The following PAN3 variants were observed in gnomAD, a reference collection of about 807,000 sequenced individuals.
PAN3 encodes PAN2-PAN3 deadenylation complex subunit PAN3.
A neutral mutation model predicts 96.2 loss-of-function variants in PAN3; 19 were observed. The ratio of observed to expected loss-of-function variants is 0.20; its 90% CI spans 0.14 to 0.29. The LOEUF (loss-of-function observed/expected upper bound fraction) is 0.29. Ranked by LOEUF, PAN3 falls within the 10% of genes least tolerant of loss-of-function variation. The probability of loss-of-function intolerance (pLI) is 1.00; values close to 1 mark genes in which losing one functional copy is unlikely to be tolerated. For synonymous variants in PAN3, 433 were observed against 406.6 expected (o/e 1.06, Z -0.78); for missense variants, 882 against 1,108.1 (o/e 0.80, Z 2.90).
rs140677661 is a variant in PAN3, at chr13:28,229,445, C to G, written c.1000+9067C>G. ...AATATAATCTTATTTATTGATGACT[C>G]TTGTTCAACTATATGTGCCTCAGTA... On this transcript the variant is annotated intron_variant, in intron 6 of 18. Coordinates refer to ENST00000380958, the MANE Select transcript of PAN3 (RefSeq NM_175854.8). 7.3e-3 allele frequency among the ~76,000 whole-genome samples: 1,109 copies of G among 152,282 alleles called. 9 individuals are homozygous for G. Among genetic ancestry groups the G allele is most frequent in the South Asian group, 0.019 (92 of 4,826 alleles).
intron 4 of PAN3, among the ~76,000 whole-genome samples, chr13:28,189,670 T>TTA (rs1876976072): frequency 6.6e-6 from 1 of 152,196 alleles, no homozygotes; most frequent in African/African-American, 2.4e-5. Context: ...GTATCACTAG[T>TTA]TATTTCTTCT....
At chr13:28,229,069 G>C (rs1171640495) in intron 6 of PAN3, among the ~76,000 whole-genome samples, 2 of 152,194 alleles carry the variant, frequency 1.3e-5, no homozygotes, top group Non-Finnish European at 2.9e-5. Flanking sequence ...GGGAAGATGG[G>C]ATGACCCAAG....
At chr13:28,205,501 T>C (rs762550592) in intron 5 of PAN3, among the ~76,000 whole-genome samples, 48 of 152,064 alleles carry the variant, frequency 3.2e-4, no homozygotes, top group Middle Eastern at 3.2e-3. Context: ...TAAGAATTCA[T>C]TGTGGTTCTG....
At chr13:28,213,442 GA>G (rs1200743778) in intron 5 of PAN3, among the ~76,000 whole-genome samples, 4 of 151,264 alleles carry the variant, frequency 2.6e-5, no homozygotes, top group South Asian at 2.1e-4. Context: ...ATACAGGAAG[GA>G]AAAAAAAGTG....
intron 7 of PAN3, among the ~76,000 whole-genome samples, chr13:28,258,411 G>A (rs562958329): frequency 6.2e-4 from 95 of 152,316 alleles, no homozygotes; most frequent in African/African-American, 2.2e-3. Context: ...GAGTGATAAA[G>A]AGAACAAAGG....
chr13:28,257,096 A>T (rs375175680), intron 7 of PAN3, among the ~76,000 whole-genome samples: 3 of 152,290 alleles, frequency 2.0e-5, no homozygotes, highest in African/African-American at 7.2e-5. Context: ...ATGACGAAAG[A>T]GCTACCAAAG....
Position 28,138,627 on chromosome 13 carries a change from C to T in PAN3, c.-31C>T, listed in dbSNP as rs1363290713. The T allele has an allele frequency of 1.9e-6, 1 of 520,146 alleles. No individual in the cohort carries two copies. The allele number at this position is 520,146 out of a possible 1,614,324, so 32.2% of individuals were successfully genotyped here. A position where few individuals can be genotyped will look rare whatever the true frequency, so the allele number is the denominator to read the frequency against. On this transcript the variant is annotated 5_prime_UTR_variant, in exon 1 of 19. Coordinates refer to ENST00000380958, the MANE Select transcript of PAN3 (RefSeq NM_175854.8). ...GTGGTGGCGGCGGCGGCTCCTCGGG[C>T]GGCGGCGGAAGACGAGGCTGCGGCG...
rs764084195 is a variant in PAN3 at position 28,266,711 on chromosome 13, C to T, written c.1412-4C>T. Reference sequence around the variant, plus strand: ...TCAAGTCATCTTCTTATGAATTACTCTAGCAGTTCCTACAGAGGTTGACAG... The same window carrying T: ...TCAAGTCATCTTCTTATGAATTACTTTAGCAGTTCCTACAGAGGTTGACAG... On this transcript the variant is annotated splice_region_variant and splice_polypyrimidine_tract_variant and intron_variant, in intron 9 of 18. Transcript: ENST00000380958. The T allele has an allele frequency of 3.2e-6, 5 of 1,561,302 alleles. No individual in the cohort carries two copies. The African/African-American group carries it at 5.5e-5, about 17-fold the overall frequency.
chr13:28,139,020 C>T lies in PAN3; in HGVS notation c.363C>T (p.Asp121=). 7.8e-7 allele frequency: 1 copy of T among 1,274,122 alleles called. No homozygotes were observed. The highest frequency in any genetic ancestry group is 9.9e-7 in the Non-Finnish European group (1 of 1,010,622). 78.9% of individuals were successfully genotyped at this position (1,274,122 alleles called of 1,614,324 possible). ...GGCCCAAGAAGCCGGACCTGGGGGACCCGGGGACCGGAGCCGCAGCCGGCG... is the reference window on the plus strand; with the variant it reads ...GGCCCAAGAAGCCGGACCTGGGGGATCCGGGGACCGGAGCCGCAGCCGGCG... ...PPGPKKPDLG[D]PGTGAAAGGG... is the part of the protein sequence containing the mutation. The change falls in exon 1 of 19, where the codon GAC becomes GAT. Residue 121 remains aspartate (D), a synonymous_variant. Coordinates refer to ENST00000380958, the MANE Select transcript of PAN3 (RefSeq NM_175854.8).
intron 6 of PAN3, among the ~76,000 whole-genome samples, chr13:28,236,736 C>A (rs573692802): frequency 1.3e-5 from 2 of 152,298 alleles, no homozygotes; most frequent in African/African-American, 4.8e-5. Context: ...TGAAGAAAAT[C>A]TCAGGCATGG....
In PAN3 at chr13:28,277,392, T is replaced by A. The variant is rs577462115; in HGVS notation, c.2189+16T>A. On this transcript the variant is annotated intron_variant, in intron 15 of 18. Transcript: ENST00000380958. ...ATCTGATTTTGTAAGTTTTAATATA[T>A]GATAAATTGTACAGAATGATTATTT... 5.0e-6 allele frequency: 8 copies of A among 1,602,372 alleles called. No homozygotes were observed. The African/African-American group carries it at 6.7e-5, about 13-fold the overall frequency.
chr13:28,145,212 A>C (rs1248143196), intron 1 of PAN3, among the ~76,000 whole-genome samples: 3 of 152,124 alleles, frequency 2.0e-5, no homozygotes, highest in African/African-American at 7.2e-5. Flanking sequence ...TGATTGCTGT[A>C]GTCTACTTGT....
At chr13:28,152,841 A>G (rs976950808) in intron 1 of PAN3, among the ~76,000 whole-genome samples, 2 of 152,216 alleles carry the variant, frequency 1.3e-5, no homozygotes, top group Non-Finnish European at 2.9e-5. Context: ...TAAAACAGGC[A>G]TTCACTTATT....
intron 5 of PAN3, among the ~76,000 whole-genome samples, chr13:28,208,604 A>C (rs1879657966): frequency 1.3e-5 from 2 of 152,194 alleles, no homozygotes; most frequent in South Asian, 4.1e-4. Context: ...GGCCCGAAAT[A>C]CTGCATTGAA....
intron 1 of PAN3, among the ~76,000 whole-genome samples, chr13:28,167,673 C>CA (rs1166063021): frequency 0.3 from 18,519 of 61,270 alleles, 1,819 homozygotes; most frequent in Middle Eastern, 0.41. Flanking sequence ...CCTGTCTCTA[C>CA]AAAAAAAAAA....
chr13:28,164,092 AAAACC>A (rs1283780534), intron 1 of PAN3, among the ~76,000 whole-genome samples: 1 of 152,208 alleles, frequency 6.6e-6, no homozygotes. Context: ...TCTCAAAAAC[AAAACC>A]AAACCAAAAC....
chr13:28,241,878 T>G (rs17086429), intron 6 of PAN3, among the ~76,000 whole-genome samples: 1 of 151,490 alleles, frequency 6.6e-6, no homozygotes, highest in South Asian at 2.1e-4. Context: ...AAGATAATGC[T>G]TCACATGTTC....
intron 6 of PAN3, among the ~76,000 whole-genome samples, chr13:28,248,518 CTCTT>C (rs1296736449): frequency 2.1e-3 from 4 of 1,880 alleles, no homozygotes; most frequent in African/African-American, 2.9e-3. Flanking sequence ...AGAGGAAAGG[CTCTT>C]TTTTTTTTCT....
At chr13:28,269,667 A>G (rs1293540084) in intron 12 of PAN3, among the ~76,000 whole-genome samples, 1 of 152,164 alleles carries the variant, frequency 6.6e-6, no homozygotes, top group Non-Finnish European at 1.5e-5. Context: ...GTTTCATTTA[A>G]ACAGTTCATA....
Sources: gnomAD v4.1 joint callset for allele counts (sites outside exome capture counted in the v4.1 genomes callset) on GRCh38, gnomAD v4.1.1 for gene constraint, MANE v1.5 for transcripts, NCBI Gene and HGNC (gene_info 2026-07-23, HGNC 2026-07-21) for gene names.